Variants in KIN observed in about 807,000 individuals in gnomAD.
KIN encodes the protein DNA/RNA-binding protein KIN17.
A neutral mutation model predicts 63.0 loss-of-function variants in KIN; 47 were observed. That is an observed-to-expected ratio of 0.75 (90% CI 0.59 to 0.95). KIN has a LOEUF of 0.95. KIN is among the 40% of genes least tolerant of loss of function. The pLI is 0.00. For missense variants in KIN, 408 were observed against 460.9 expected, an observed-to-expected ratio of 0.89 and a Z score of 1.05; for synonymous variants, 160 against 157.7, an observed-to-expected ratio of 1.01 and a Z score of -0.11.
At chr10:7,760,609 G>C (rs1372928532) in intron 11 of KIN, among the ~76,000 whole-genome samples, 1 of 152,122 alleles carries the variant, frequency 6.6e-6, no homozygotes, top group Non-Finnish European at 1.5e-5. Flanking sequence ...GGTGTGTAAA[G>C]TACAATAAAA....
chr10:7,771,614 C>T (rs989569396), intron 7 of KIN, among the ~76,000 whole-genome samples: 4 of 152,034 alleles, frequency 2.6e-5, no homozygotes, highest in Admixed American at 6.6e-5. Context: ...TCAACTGGGC[C>T]GGGCGCGGTG....
chr10:7,769,153 A>G, intron 8 of KIN, 63 bp downstream of exon 8: 3 of 1,440,054 alleles, frequency 2.1e-6, no homozygotes, highest in South Asian at 1.3e-5. Flanking sequence ...AATCTAATAA[A>G]TGGTGAAATG....
chr10:7,756,301 T>C lies in KIN; in HGVS notation c.1120-159A>G, dbSNP rs553248482. Among the ~76,000 whole-genome samples the C allele has an allele frequency of 1.5e-4, 23 of 152,372 alleles. No homozygotes were observed. The South Asian group carries it at 4.6e-3, about 30-fold the overall frequency. ...ATACATCTATGAATTTTAAGAATAATCTATGGCATTCTCATTAAGAACTAC... is the reference window on the plus strand; with the variant it reads ...ATACATCTATGAATTTTAAGAATAACCTATGGCATTCTCATTAAGAACTAC... On this transcript the variant is annotated intron_variant, in intron 12 of 12. Coordinates refer to ENST00000379562, the MANE Select transcript of KIN (RefSeq NM_012311.4).
intron 7 of KIN, among the ~76,000 whole-genome samples, chr10:7,771,895 CAAA>C (rs34263870): frequency 7.5e-5 from 8 of 107,192 alleles, no homozygotes; most frequent in Admixed American, 2.0e-4. Flanking sequence ...AATTCCGTCT[CAAA>C]AAAAAAAAAA....
chr10:7,774,822 G>A lies in KIN; in HGVS notation c.668+9C>T. ...ATGTTTTAAGATATCCGTGAATGAT[G>A]CAGCTCACCTTGACTTGGAAGATGT... On this transcript the variant is annotated intron_variant, in intron 7 of 12. Coordinates refer to ENST00000379562, the MANE Select transcript of KIN (RefSeq NM_012311.4). The A allele has an allele frequency of 6.2e-7, 1 of 1,602,744 alleles. No homozygotes were observed. Among genetic ancestry groups the A allele is most frequent in the Middle Eastern group, 1.7e-4 (1 of 6,034 alleles).
rs775226182 is a variant in KIN, at chr10:7,778,898, TTCA to T, written c.495_497del (p.Asp165del). The T allele has an allele frequency of 4.3e-6, 7 of 1,614,184 alleles. No homozygotes were observed. The highest frequency in any genetic ancestry group is 5.1e-6 in the Non-Finnish European group (6 of 1,180,020). On this transcript the variant is annotated inframe_deletion, in exon 5 of 13. Transcript: ENST00000379562. ...CTTCAATAAATTTGGCAGTTTTTTC[TTCA>T]TCATCAAGGTCCTGCTTTTTCTTTT...
intron 1 of KIN, among the ~76,000 whole-genome samples, chr10:7,783,701 A>G (rs1405621796): frequency 6.6e-6 from 1 of 152,164 alleles, no homozygotes; most frequent in African/African-American, 2.4e-5. Flanking sequence ...AAAACATACA[A>G]GTTTTGACTT....
chr10:7,782,894 G>A (rs995695984), intron 2 of KIN, among the ~76,000 whole-genome samples, 187 bp downstream of exon 2: 1 of 152,148 alleles, frequency 6.6e-6, no homozygotes, highest in African/African-American at 2.4e-5. Context: ...AAACTAAGTT[G>A]TGAGAAATAA....
intron 1 of KIN, among the ~76,000 whole-genome samples, chr10:7,785,421 C>A (rs1835981246): frequency 6.6e-6 from 1 of 152,078 alleles, no homozygotes. Flanking sequence ...AGGCAAAAGA[C>A]AACCAGAGGA....
At chr10:7,780,874 G>A (rs1389365424) in intron 2 of KIN, among the ~76,000 whole-genome samples, 2 of 152,176 alleles carry the variant, frequency 1.3e-5, no homozygotes, top group African/African-American at 4.8e-5. Context: ...CATAGAAACA[G>A]TTACCACATA....
intron 7 of KIN, among the ~76,000 whole-genome samples, chr10:7,772,328 A>G (rs1835683056): frequency 6.6e-6 from 1 of 152,194 alleles, no homozygotes; most frequent in Non-Finnish European, 1.5e-5. Context: ...TTAAAATAAA[A>G]TCAAGGCAAG....
chr10:7,752,357 T>C lies in KIN; in HGVS notation c.*3723A>G, dbSNP rs1057099531. 4 of 152,146 alleles carry C rather than the reference T, an allele frequency of 2.6e-5. No homozygotes were observed. Among genetic ancestry groups the C allele is most frequent in the Non-Finnish European group, 5.9e-5 (4 of 68,028 alleles). The allele number at this position is 152,146 out of a possible 1,614,324, so 9.4% of individuals were successfully genotyped here. On this transcript the variant is annotated 3_prime_UTR_variant, in exon 13 of 13. Coordinates refer to ENST00000379562, the MANE Select transcript of KIN (RefSeq NM_012311.4). ...TCATACTTCATCAAAGAAATGCAAA[T>C]TAAAGCAATGACAAGATCCCACTGT...
intron 8 of KIN, 84 bp downstream of exon 8, chr10:7,769,132 A>G: frequency 7.5e-7 from 1 of 1,330,190 alleles, no homozygotes; most frequent in Non-Finnish European, 1.0e-6. Flanking sequence ...TAATTTTCCT[A>G]ATTTTCTATT....
At position 7,778,947 on chromosome 10, in the gene KIN, C is replaced by T. The variant is rs751941059; in HGVS notation, c.449G>A (p.Arg150His). 2.2e-5 allele frequency: 35 copies of T among 1,613,836 alleles called. No homozygotes were observed. The highest frequency in any genetic ancestry group is 3.3e-5 in the Admixed American group (2 of 59,978). ...CTTTTTCTCCAGTTCCAGTTGCCGG[C>T]GGATAGTTTCTGGGTCCCTGTCTAT... The part of the protein sequence containing the change: ...QYIDRDPETI[R>H]RQLELEKKKK... The change falls in exon 5 of 13, where the codon CGC becomes CAC. Residue 150 changes from arginine to histidine, a missense_variant. Physicochemically the swap from Arg to His is conservative, Grantham distance 29. This residue lies in a region of KIN where 298 missense variants were observed against 296.0 expected (regional missense o/e 1.01). Coordinates refer to ENST00000379562, the MANE Select transcript of KIN (RefSeq NM_012311.4).
At chr10:7,757,855 C>G (rs12359951) in intron 12 of KIN, among the ~76,000 whole-genome samples, 28,790 of 151,950 alleles carry the variant, frequency 0.19, 2,914 homozygotes, top group Admixed American at 0.25. Flanking sequence ...AGCTAAAAAG[C>G]TGAAGCTATT....
chr10:7,754,002 T>A lies in KIN; in HGVS notation c.*2078A>T. The A allele has an allele frequency of 4.4e-6, 2 of 455,866 alleles. No individual in the cohort carries two copies. The highest frequency in any genetic ancestry group is 8.8e-6 in the Non-Finnish European group (2 of 226,732). The allele number at this position is 455,866 out of a possible 1,614,324, so 28.2% of individuals were successfully genotyped here. ...ATCCTCATGTTTGAAGTGATCATCCTGGTATGGTCTGTTTTTTGTTTGAAC... is the reference window on the plus strand; with the variant it reads ...ATCCTCATGTTTGAAGTGATCATCCAGGTATGGTCTGTTTTTTGTTTGAAC... On this transcript the variant is annotated 3_prime_UTR_variant, in exon 13 of 13. Transcript: ENST00000379562.
intron 2 of KIN, among the ~76,000 whole-genome samples, chr10:7,782,147 T>C (rs1267690436): frequency 6.6e-6 from 1 of 152,190 alleles, no homozygotes; most frequent in Non-Finnish European, 1.5e-5. Context: ...CTAACCCACA[T>C]AAACAGAAGT....
chr10:7,762,501 A>G lies in KIN; in HGVS notation c.974T>C (p.Leu325Pro). 6.2e-7 allele frequency: 1 copy of G among 1,612,630 alleles called. No individual in the cohort carries two copies. Among genetic ancestry groups the G allele is most frequent in the Non-Finnish European group, 8.5e-7 (1 of 1,179,130 alleles). The change falls in exon 11 of 13, where the codon CTG becomes CCG. Residue 325 changes from leucine to proline, a missense_variant. Coordinates refer to ENST00000379562, the MANE Select transcript of KIN (RefSeq NM_012311.4). ...CTCTAAATGAGTCTGGTCAAGTTTC[A>G]GCTTGTCTCCAGAATCAATCATCTT... ...VVKMIDSGDKLKLDQTHLETV... is the reference protein window; with the variant it reads ...VVKMIDSGDKPKLDQTHLETV...
intron 9 of KIN, among the ~76,000 whole-genome samples, chr10:7,765,183 C>T (rs1252842895): frequency 4.3e-5 from 6 of 139,844 alleles, no homozygotes; most frequent in Non-Finnish European, 7.8e-5. Context: ...AAAAAAAATT[C>T]GGCACAGTGG....
Sources: allele counts gnomAD v4.1 joint callset (sites outside exome capture counted in the v4.1 genomes callset), GRCh38; gene constraint gnomAD v4.1.1; regional missense constraint gnomAD v4.1.1; transcripts MANE v1.5; gene names NCBI Gene and HGNC (gene_info 2026-07-23, HGNC 2026-07-21).